CABP7: variants seen among roughly 807,000 people sequenced by gnomAD.
CABP7 encodes the protein calcium binding protein 7, also known as calcium-binding protein 7.
CABP7 carries 13 observed loss-of-function variants against 23.1 expected under a neutral mutation model. That is an observed-to-expected ratio of 0.56 (90% CI 0.37 to 0.90). The LOEUF (loss-of-function observed/expected upper bound fraction) is 0.90, where lower values mean the gene tolerates loss of function less well. Among genes scored for constraint, CABP7 ranks in the 40% least tolerant of loss-of-function variants. CABP7 has a pLI of 0.01. For missense variants in CABP7, 248 were observed against 295.6 expected, an observed-to-expected ratio of 0.84 and a Z score of 1.18; for synonymous variants, 123 against 115.3, an observed-to-expected ratio of 1.07 and a Z score of -0.43.
At chr22:29,728,594 C>T (rs1258296873) in intron 2 of CABP7, 36 bp from the exon 3 acceptor site, 2 of 1,368,384 alleles carry the variant, frequency 1.5e-6, no homozygotes, top group African/African-American at 2.9e-5. Flanking sequence ...GGCCTGGGCC[C>T]TACCCACTGA....
At position 29,727,772 on chromosome 22, in the gene CABP7, C is replaced by T; in HGVS notation, c.220C>T (p.Leu74=). The part of the protein sequence containing the change: ...SLGYMPNEVE[L]EVIIQRLDMD... ...GGGTTACATGCCCAACGAGGTGGAG[C>T]TGGAGGTCATCATCCAGCGGCTGGA... Residue 74 remains leucine, a synonymous_variant, in exon 2 of 5, where the codon CTG becomes TTG. Transcript: ENST00000216144. The surrounding 1 kb of genome is among the most constrained non-coding windows in gnomAD (Gnocchi z 4.2). 1.2e-6 allele frequency: 2 copies of T among 1,612,294 alleles called. No homozygotes were observed. Among genetic ancestry groups the T allele is most frequent in the Non-Finnish European group, 8.5e-7 (1 of 1,179,138 alleles).
intron 1 of CABP7, among the ~76,000 whole-genome samples, chr22:29,724,353 T>C (rs2067781233): frequency 6.6e-6 from 1 of 152,216 alleles, no homozygotes; most frequent in Admixed American, 6.5e-5. Context: ...TGGCCTGGTG[T>C]CCCAAGCTCA....
Position 29,727,753 on chromosome 22 carries a change from C to T in CABP7, c.201C>T (p.Tyr67=), listed in dbSNP as rs1464007292. Residue 67 remains tyrosine (Y), a synonymous_variant, in exon 2 of 5, where the codon TAC becomes TAT. Transcript: ENST00000216144. The surrounding 1 kb of genome is among the most constrained non-coding windows in gnomAD (Gnocchi z 4.2). ...GCACAGCCATGCGCTCACTGGGTTA[C>T]ATGCCCAACGAGGTGGAGCTGGAGG... ...ELGTAMRSLG[Y]MPNEVELEVI... is the part of the protein sequence containing the mutation. 1.9e-6 allele frequency: 3 copies of T among 1,613,250 alleles called. No individual in the cohort carries two copies. Among genetic ancestry groups the T allele is most frequent in the Non-Finnish European group, 2.5e-6 (3 of 1,179,764 alleles).
At chr22:29,729,006 G>A in intron 3 of CABP7, 49 bp from the exon 4 acceptor site, 1 of 1,594,912 alleles carries the variant, frequency 6.3e-7, no homozygotes, top group Non-Finnish European at 8.6e-7. Context: ...GGGGTGCTGG[G>A]TGGGGGCTGC....
chr22:29,720,600 C>T lies in CABP7; in HGVS notation c.109+67C>T. ...CTGTGCGCCCAGGTGAAGCGCGGGCCAGGGGCGCGGGGGCGGGGGGCGGGG... is the reference window on the plus strand; with the variant it reads ...CTGTGCGCCCAGGTGAAGCGCGGGCTAGGGGCGCGGGGGCGGGGGGCGGGG... On this transcript the variant is annotated intron_variant, in intron 1 of 4. Transcript: ENST00000216144. This position sits in a 1 kb window ranked among gnomAD's most constrained non-coding sequence, Gnocchi z 5.2. 3 of 1,074,762 alleles carry T rather than the reference C, an allele frequency of 2.8e-6. No individual in the cohort carries two copies. Among genetic ancestry groups the T allele is most frequent in the Non-Finnish European group, 3.8e-6 (3 of 788,138 alleles). 66.6% of individuals were successfully genotyped at this position (1,074,762 alleles called of 1,614,324 possible).
rs1268520916 is a variant in CABP7 at position 29,727,178 on chromosome 22, C to T, written c.110-484C>T. Among the ~76,000 whole-genome samples the T allele has an allele frequency of 6.6e-6, 1 of 151,744 alleles. No individual in the cohort carries two copies. The highest frequency in any genetic ancestry group is 1.5e-5 in the Non-Finnish European group (1 of 67,978). On this transcript the variant is annotated intron_variant, in intron 1 of 4. Transcript: ENST00000216144. This position sits in a 1 kb window ranked among gnomAD's most constrained non-coding sequence, Gnocchi z 4.2. The stretch of plus-strand genomic sequence containing the variant: ...CATTAGTCTGGAGCAAGCTGCCTCA[C>T]GTGGCTGCCATTAGCAAGTGTTGGC...
intron 1 of CABP7, among the ~76,000 whole-genome samples, chr22:29,721,119 G>C (rs538981259): frequency 3.9e-5 from 6 of 152,240 alleles, no homozygotes; most frequent in Non-Finnish European, 5.9e-5. Flanking sequence ...CCGGGAAGGC[G>C]GCCCGGGAGG....
Position 29,729,058 on chromosome 22 carries a change from G to A in CABP7, c.370G>A (p.Asp124Asn), listed in dbSNP as rs376732674. ...CCGTGTTGTCCCCCTCCGCAAGTGC[G>A]ACATGCAGAAGCTGACGGTGGATGA... The part of the protein sequence containing the change: ...TDFDTVFWKC[D>N]MQKLTVDELK... Residue 124 changes from aspartate to asparagine, a missense_variant, in exon 4 of 5, where the codon GAC becomes AAC. Physicochemically the swap from Asp to Asn is conservative, Grantham distance 23 (BLOSUM62 1). Transcript: ENST00000216144. 30 of 1,610,418 alleles carry A rather than the reference G, an allele frequency of 1.9e-5. No individual in the cohort carries two copies. Among genetic ancestry groups the A allele is most frequent in the East Asian group, 8.9e-5 (4 of 44,812 alleles).
chr22:29,727,178 C>G lies in CABP7; in HGVS notation c.110-484C>G, dbSNP rs1268520916. On this transcript the variant is annotated intron_variant, in intron 1 of 4. Transcript: ENST00000216144. This position sits in a 1 kb window ranked among gnomAD's most constrained non-coding sequence, Gnocchi z 4.2. ...CATTAGTCTGGAGCAAGCTGCCTCACGTGGCTGCCATTAGCAAGTGTTGGC... is the reference window on the plus strand; with the variant it reads ...CATTAGTCTGGAGCAAGCTGCCTCAGGTGGCTGCCATTAGCAAGTGTTGGC... 6.6e-6 allele frequency among the ~76,000 whole-genome samples: 1 copy of G among 151,744 alleles called. No homozygotes were observed. Among genetic ancestry groups the G allele is most frequent in the African/African-American group, 2.4e-5 (1 of 41,310 alleles).
In CABP7 at chr22:29,720,513, TC is replaced by T; in HGVS notation, c.92del (p.Pro31ArgfsTer65). 6.5e-7 allele frequency: 1 copy of T among 1,549,286 alleles called. No individual in the cohort carries two copies. Among genetic ancestry groups the T allele is most frequent in the Non-Finnish European group, 8.7e-7 (1 of 1,148,802 alleles). On this transcript the variant is annotated frameshift_variant, in exon 1 of 5. Transcript: ENST00000216144. LOFTEE classifies it high-confidence loss of function. The surrounding 1 kb of genome is among the most constrained non-coding windows in gnomAD (Gnocchi z 5.2). ...CTGTCGGAGCAGCGCCCGGTGGACA[TC>T]CCGGAGGACGAGCTGGAGGGTGAGT... ...NLLSEQRPVD[I>X]PEDELEEIRE...
intron 1 of CABP7, among the ~76,000 whole-genome samples, chr22:29,721,720 C>T (rs972511787): frequency 1.3e-5 from 2 of 152,096 alleles, no homozygotes; most frequent in African/African-American, 4.8e-5. Context: ...GGGGAAGATC[C>T]AGAGAGAGAA....
chr22:29,723,283 G>A (rs1050421522), intron 1 of CABP7, among the ~76,000 whole-genome samples: 3 of 152,116 alleles, frequency 2.0e-5, no homozygotes, highest in African/African-American at 7.2e-5. Flanking sequence ...CCCTGGGGAG[G>A]CATGGAGGGC....
Position 29,729,815 on chromosome 22 carries a change from G to C in CABP7, c.*246G>C. The C allele has an allele frequency of 5.4e-6, 3 of 553,960 alleles. No individual in the cohort carries two copies. Among genetic ancestry groups the C allele is most frequent in the Non-Finnish European group, 9.6e-6 (3 of 311,502 alleles). The allele number at this position is 553,960 out of a possible 1,614,324, so 34.3% of individuals were successfully genotyped here. A position where few individuals can be genotyped will look rare whatever the true frequency, so the allele number is the denominator to read the frequency against. On this transcript the variant is annotated 3_prime_UTR_variant, in exon 5 of 5. Transcript: ENST00000216144. ...CCCCACCCTGTCCCCACCCTGGCCT[G>C]TAAGGAGCACTCACTCTTCCTACCA...
At chr22:29,725,861 G>A (rs2067792219) in intron 1 of CABP7, among the ~76,000 whole-genome samples, 1 of 152,198 alleles carries the variant, frequency 6.6e-6, no homozygotes, top group African/African-American at 2.4e-5. Context: ...GGCCAGCAGT[G>A]CTGGCCGGAA....
At chr22:29,725,889 C>T (rs1464812155) in intron 1 of CABP7, among the ~76,000 whole-genome samples, 1 of 152,150 alleles carries the variant, frequency 6.6e-6, no homozygotes, top group African/African-American at 2.4e-5. Flanking sequence ...CGTGTGTGTG[C>T]AGATGCCTCC....
Position 29,731,445 on chromosome 22 carries a change from G to A in CABP7, c.*1876G>A. On this transcript the variant is annotated 3_prime_UTR_variant, in exon 5 of 5. Transcript: ENST00000216144. ...GCCCACCTGCCTCACCACCCTGGCT[G>A]TGGGGAGGGTCAGCTGCCTGCATGA... 2 of 1,480,378 alleles carry A rather than the reference G, an allele frequency of 1.4e-6. No homozygotes were observed. Among genetic ancestry groups the A allele is most frequent in the East Asian group, 5.4e-5 (2 of 36,882 alleles). The allele number at this position is 1,480,378 out of a possible 1,614,324, so 91.7% of individuals were successfully genotyped here.
Position 29,720,599 on chromosome 22 carries a change from C to A in CABP7, c.109+66C>A. The A allele has an allele frequency of 1.8e-6, 2 of 1,090,360 alleles. No individual in the cohort carries two copies. Among genetic ancestry groups the A allele is most frequent in the South Asian group, 1.6e-5 (1 of 61,112 alleles). 67.5% of individuals were successfully genotyped at this position (1,090,360 alleles called of 1,614,324 possible). ...CCTGTGCGCCCAGGTGAAGCGCGGG[C>A]CAGGGGCGCGGGGGCGGGGGGCGGG... On this transcript the variant is annotated intron_variant, in intron 1 of 4. Coordinates refer to ENST00000216144, the MANE Select transcript of CABP7 (RefSeq NM_182527.3). The surrounding 1 kb of genome is among the most constrained non-coding windows in gnomAD (Gnocchi z 5.2).
rs567722122 is a variant in CABP7 at position 29,727,106 on chromosome 22, C to G, written c.110-556C>G. On this transcript the variant is annotated intron_variant, in intron 1 of 4. Transcript: ENST00000216144. The surrounding 1 kb of genome is among the most constrained non-coding windows in gnomAD (Gnocchi z 4.2). Reference sequence around the variant, plus strand: ...CTGGACCTGGAGGGGGGCTCCTTCCCCCTCTGTCTTCCCTGAACCAAAAGA... The same window carrying G: ...CTGGACCTGGAGGGGGGCTCCTTCCGCCTCTGTCTTCCCTGAACCAAAAGA... 1.3e-5 allele frequency among the ~76,000 whole-genome samples: 2 copies of G among 152,306 alleles called. No individual in the cohort carries two copies. Among genetic ancestry groups the G allele is most frequent in the East Asian group, 3.9e-4 (2 of 5,178 alleles).
intron 4 of CABP7, 57 bp from the exon 5 acceptor site, chr22:29,729,385 C>T: frequency 6.3e-7 from 1 of 1,596,304 alleles, no homozygotes. Context: ...CGGCTCCTGA[C>T]TCCATCGCTT....
Sources: allele counts gnomAD v4.1 joint callset (sites outside exome capture counted in the v4.1 genomes callset), GRCh38; gene constraint gnomAD v4.1.1; non-coding constraint Gnocchi (gnomAD v3.1); transcripts MANE v1.5; gene names NCBI Gene and HGNC (gene_info 2026-07-23, HGNC 2026-07-21).